Variants in TRPC4AP observed in about 807,000 individuals in gnomAD.
The protein encoded by TRPC4AP is short transient receptor potential channel 4-associated protein.
In TRPC4AP, 45 loss-of-function variants were observed where a neutral mutation model predicts 99.0. That is an observed-to-expected ratio of 0.45 (90% CI 0.36 to 0.58). The LOEUF is 0.58. Among genes scored for constraint, TRPC4AP ranks in the 20% least tolerant of loss-of-function variants. TRPC4AP has a pLI of 0.00. For synonymous variants in TRPC4AP, 408 were observed against 385.8 expected, an observed-to-expected ratio of 1.06 and a Z score of -0.67; for missense variants, 879 against 985.3, an observed-to-expected ratio of 0.89 and a Z score of 1.44.
intron 15 of TRPC4AP, among the ~76,000 whole-genome samples, chr20:35,006,151 C>T (rs1170951628): frequency 2.0e-5 from 3 of 152,166 alleles, no homozygotes; most frequent in Non-Finnish European, 2.9e-5. Context: ...CTCCCTACAG[C>T]GGCTCCCACC....
chr20:35,064,360 G>A (rs1474765459), intron 3 of TRPC4AP, among the ~76,000 whole-genome samples: 1 of 152,192 alleles, frequency 6.6e-6, no homozygotes, highest in African/African-American at 2.4e-5. Context: ...AAATCTTTGA[G>A]ACTAGACAGT....
chr20:35,081,573 T>C (rs924825490), intron 1 of TRPC4AP, among the ~76,000 whole-genome samples: 1 of 151,780 alleles, frequency 6.6e-6, no homozygotes, highest in Non-Finnish European at 1.5e-5. Context: ...AAAACAAAGT[T>C]TGTTATGCCA....
At chr20:35,045,430 G>T (rs904806274) in intron 6 of TRPC4AP, among the ~76,000 whole-genome samples, 7 of 152,176 alleles carry the variant, frequency 4.6e-5, no homozygotes, top group Non-Finnish European at 1.0e-4. Flanking sequence ...CGGAGCAGTA[G>T]TGTCATCATA....
Position 35,003,044 on chromosome 20 carries a change from G to C in TRPC4AP, c.*102C>G, listed in dbSNP as rs532924845. On this transcript the variant is annotated 3_prime_UTR_variant, in exon 19 of 19. Transcript: ENST00000252015. ...AGCCTGTACCCAAAGACCTGGGGCA[G>C]GCAGAGAGCAGCAGGGAGGAACGGG... The C allele has an allele frequency of 4.1e-3, 6,272 of 1,511,500 alleles. 16 individuals are homozygous for C. Among genetic ancestry groups the C allele is most frequent in the South Asian group, 5.4e-3 (436 of 80,632 alleles). The allele number at this position is 1,511,500 out of a possible 1,614,324, so 93.6% of individuals were successfully genotyped here. A position where few individuals can be genotyped will look rare whatever the true frequency, so the allele number is the denominator to read the frequency against.
At chr20:35,015,877 G>T in intron 10 of TRPC4AP, 131 bp downstream of exon 10, 2 of 1,150,662 alleles carry the variant, frequency 1.7e-6, no homozygotes, top group Non-Finnish European at 2.4e-6. Flanking sequence ...TCCAATTAGG[G>T]GACTATAAGA....
Position 35,013,059 on chromosome 20 carries a change from G to A in TRPC4AP, c.1358C>T (p.Thr453Ile). 6.2e-7 allele frequency: 1 copy of A among 1,614,058 alleles called. No individual in the cohort carries two copies. The highest frequency in any genetic ancestry group is 8.5e-7 in the Non-Finnish European group (1 of 1,180,030). ...NQNCDCSPDI[T>I]LKIQFLRLLQ... ...AAGCCTCAAAAACTGTATCTTCAAG[G>A]TGATGTCCTGAAACACATGCACAGC... Residue 453 changes from threonine to isoleucine, a missense_variant, in exon 11 of 19, where the codon ACC becomes ATC. Transcript: ENST00000252015.
chr20:35,042,264 A>G (rs1187439567), intron 7 of TRPC4AP, among the ~76,000 whole-genome samples: 1 of 152,210 alleles, frequency 6.6e-6, no homozygotes, highest in East Asian at 1.9e-4. Flanking sequence ...TGGAGTCCAC[A>G]AACTTCTACC....
chr20:35,085,384 G>A (rs1290877705), intron 1 of TRPC4AP, among the ~76,000 whole-genome samples: 2 of 152,118 alleles, frequency 1.3e-5, no homozygotes, highest in African/African-American at 2.4e-5. Flanking sequence ...GGCCAAGGTA[G>A]GCCCATTGCT....
chr20:35,078,207 G>T (rs2084535836), intron 1 of TRPC4AP, 33 bp from the exon 2 acceptor site: 6 of 1,602,968 alleles, frequency 3.7e-6, no homozygotes, highest in Non-Finnish European at 5.1e-6. Flanking sequence ...ACATATTATT[G>T]TATTATTGAT....
chr20:35,005,883 G>A, intron 15 of TRPC4AP, 80 bp from the exon 16 acceptor site: 1 of 1,288,834 alleles, frequency 7.8e-7, no homozygotes, highest in Admixed American at 1.8e-5. Flanking sequence ...GTCACTACAA[G>A]GGGCATCAGC....
At chr20:35,019,798 T>C (rs1347876976) in intron 9 of TRPC4AP, among the ~76,000 whole-genome samples, 2 of 152,156 alleles carry the variant, frequency 1.3e-5, no homozygotes, top group African/African-American at 4.8e-5. Context: ...TGGGATCTCA[T>C]CCAGTGTCCT....
intron 12 of TRPC4AP, among the ~76,000 whole-genome samples, chr20:35,009,882 T>A (rs1279622908): frequency 6.6e-6 from 1 of 152,222 alleles, no homozygotes; most frequent in Non-Finnish European, 1.5e-5. Flanking sequence ...AGGGGCTGAA[T>A]GCACGAGACA....
At chr20:35,029,180 G>C (rs1297566601) in intron 8 of TRPC4AP, among the ~76,000 whole-genome samples, 13 of 152,186 alleles carry the variant, frequency 8.5e-5, no homozygotes, top group Non-Finnish European at 1.8e-4. Context: ...GAACCCGGGA[G>C]GTGGAGGTTG....
At chr20:35,086,479 GTGTGTGTATATA>G (rs1307636629) in intron 1 of TRPC4AP, among the ~76,000 whole-genome samples, 11 of 94,176 alleles carry the variant, frequency 1.2e-4, no homozygotes, top group African/African-American at 6.1e-4. Flanking sequence ...GTGTGTGTAT[GTGTGTGTATATA>G]TATATGTGTA....
chr20:35,072,112 G>A (rs777329241), intron 2 of TRPC4AP, among the ~76,000 whole-genome samples: 26 of 152,112 alleles, frequency 1.7e-4, no homozygotes, highest in Non-Finnish European at 2.8e-4. Context: ...CATATCCTTC[G>A]CCCAGTTTTT....
chr20:35,043,457 G>A (rs1207925091), intron 7 of TRPC4AP, among the ~76,000 whole-genome samples: 1 of 152,064 alleles, frequency 6.6e-6, no homozygotes, highest in East Asian at 1.9e-4. Flanking sequence ...ATGTTGGCCA[G>A]GCTGGTCTCA....
chr20:35,041,912 C>T (rs1032672944), intron 7 of TRPC4AP, among the ~76,000 whole-genome samples: 4 of 152,182 alleles, frequency 2.6e-5, no homozygotes, highest in Admixed American at 6.5e-5. Context: ...AGTTACCCAG[C>T]GTTTGCCACA....
At chr20:35,092,440 C>T (rs1271865790) in intron 1 of TRPC4AP, among the ~76,000 whole-genome samples, 174 bp downstream of exon 1, 1 of 152,246 alleles carries the variant, frequency 6.6e-6, no homozygotes, top group Admixed American at 6.5e-5. Context: ...AAGCCAGCTG[C>T]TTCCCACGGC....
intron 1 of TRPC4AP, among the ~76,000 whole-genome samples, chr20:35,088,684 G>A (rs866308345): frequency 1.3e-5 from 2 of 152,172 alleles, no homozygotes; most frequent in Admixed American, 6.5e-5. Context: ...AGTTAAGAGA[G>A]GTTAAATAAC....
Sources: gnomAD v4.1 joint callset for allele counts (sites outside exome capture counted in the v4.1 genomes callset) on GRCh38, gnomAD v4.1.1 for gene constraint, MANE v1.5 for transcripts, NCBI Gene and HGNC (gene_info 2026-07-23, HGNC 2026-07-21) for gene names.